The following LCA5 variants were observed in gnomAD, a reference collection of about 807,000 sequenced individuals.
LCA5 encodes the protein lebercilin LCA5, also known as lebercilin.
A neutral mutation model predicts 53.0 loss-of-function variants in LCA5; 37 were observed. The observed-to-expected ratio is 0.70, with a 90% CI of 0.54 to 0.92. LCA5 has a LOEUF of 0.92. Among genes scored for constraint, LCA5 ranks in the 40% least tolerant of loss-of-function variants. The pLI, the probability that LCA5 is intolerant of heterozygous loss-of-function variation, is 0.00. For missense variants in LCA5, 806 were observed against 790.5 expected (o/e 1.02, Z -0.23); for synonymous variants, 303 against 282.9 (o/e 1.07, Z -0.71).
intron 3 of LCA5, among the ~76,000 whole-genome samples, chr6:79,495,540 A>G (rs1445941217): frequency 2.0e-5 from 3 of 152,040 alleles, no homozygotes; most frequent in African/African-American, 7.2e-5. Context: ...TCACAAGGCC[A>G]GGAGATTAAG....
At chr6:79,512,031 A>G (rs1770421089) in intron 3 of LCA5, among the ~76,000 whole-genome samples, 1 of 152,110 alleles carries the variant, frequency 6.6e-6, no homozygotes, top group Non-Finnish European at 1.5e-5. Context: ...GTAGTTTTAT[A>G]TACACACTCA....
At chr6:79,525,686 A>G (rs889045904) in intron 1 of LCA5, among the ~76,000 whole-genome samples, 4 of 152,254 alleles carry the variant, frequency 2.6e-5, no homozygotes, top group Non-Finnish European at 5.9e-5. Context: ...ATTCCTGCAA[A>G]GGCTCAGAGA....
At chr6:79,501,822 C>G (rs1203576305) in intron 3 of LCA5, among the ~76,000 whole-genome samples, 1 of 150,682 alleles carries the variant, frequency 6.6e-6, no homozygotes, top group East Asian at 1.9e-4. Context: ...CTATAGTTCT[C>G]TATGTATAAT....
chr6:79,522,603 A>C (rs1466851486), intron 1 of LCA5, among the ~76,000 whole-genome samples: 2 of 152,208 alleles, frequency 1.3e-5, no homozygotes, highest in Admixed American at 1.3e-4. Flanking sequence ...CTCAAGAAAC[A>C]ACCACCAAGT....
chr6:79,502,332 C>T (rs1020305744), intron 3 of LCA5, among the ~76,000 whole-genome samples: 3 of 152,204 alleles, frequency 2.0e-5, no homozygotes, highest in African/African-American at 7.2e-5. Context: ...CAGAGGCAAA[C>T]TCATAATCCA....
intron 3 of LCA5, among the ~76,000 whole-genome samples, chr6:79,494,531 T>C (rs1344404669): frequency 6.6e-6 from 1 of 151,996 alleles, no homozygotes; most frequent in Non-Finnish European, 1.5e-5. Flanking sequence ...TAATAAATGT[T>C]TATTATAAGT....
intron 1 of LCA5, among the ~76,000 whole-genome samples, chr6:79,532,645 T>G (rs1766990395): frequency 1.3e-5 from 2 of 152,194 alleles, no homozygotes; most frequent in Admixed American, 6.5e-5. Flanking sequence ...CTCTTCTTCC[T>G]GTTCTCAGCA....
intron 3 of LCA5, among the ~76,000 whole-genome samples, chr6:79,498,682 TA>T (rs1368263436): frequency 1.3e-5 from 2 of 151,878 alleles, no homozygotes; most frequent in Non-Finnish European, 2.9e-5. Context: ...AATGGTAAAC[TA>T]AAAAATACTA....
At chr6:79,507,973 T>G (rs1770313692) in intron 3 of LCA5, among the ~76,000 whole-genome samples, 1 of 152,286 alleles carries the variant, frequency 6.6e-6, no homozygotes, top group East Asian at 1.9e-4. Context: ...GTGCCATTCC[T>G]GTGGAAGTTA....
In LCA5 at chr6:79,492,569, G is replaced by A. The variant is rs371160059; in HGVS notation, c.937C>T (p.Leu313Phe). 2.0e-6 allele frequency: 3 copies of A among 1,535,682 alleles called. No individual in the cohort carries two copies. The highest frequency in any genetic ancestry group is 1.4e-5 in the African/African-American group (1 of 73,082). Reference sequence around the variant, plus strand: ...ACCATACCATTTTTTCTTAATGCAAGTTCTTTCTCTTTATTTGGAGAGGAC... The same window carrying A: ...ACCATACCATTTTTTCTTAATGCAAATTCTTTCTCTTTATTTGGAGAGGAC... ...PKSSPNKEKE[L>F]ALRKNAACQS... The change falls in exon 5 of 8, where the codon CTT becomes TTT. Residue 313 changes from leucine to phenylalanine, a missense_variant. Coordinates refer to ENST00000369846, the MANE Select transcript of LCA5 (RefSeq NM_001122769.3).
At chr6:79,503,624 C>T (rs866596782) in intron 3 of LCA5, among the ~76,000 whole-genome samples, 4 of 152,102 alleles carry the variant, frequency 2.6e-5, no homozygotes, top group African/African-American at 4.8e-5. Flanking sequence ...TATTAGGTGT[C>T]CAGTAAGTAC....
At position 79,518,797 on chromosome 6, in the gene LCA5, G is replaced by A. The variant is rs745815628; in HGVS notation, c.98C>T (p.Ser33Phe). 1.9e-5 allele frequency: 31 copies of A among 1,614,030 alleles called. No homozygotes were observed. The highest frequency in any genetic ancestry group is 3.3e-5 in the Admixed American group (2 of 60,000). The stretch of plus-strand genomic sequence containing the variant: ...AGAACTGACCAGCGATGATCGGCCA[G>A]AAGACTGTGGCGTTTCAAAATCAGA... ...YLSDFETPQS[S>F]GRSSLVSSSP... The change falls in exon 2 of 8, where the codon TCT becomes TTT. Residue 33 changes from serine to phenylalanine, a missense_variant. Physicochemically the swap from Ser to Phe is radical, Grantham distance 155 (BLOSUM62 -2). Coordinates refer to ENST00000369846, the MANE Select transcript of LCA5 (RefSeq NM_001122769.3).
rs199902236 is a variant in LCA5 at position 79,518,822 on chromosome 6, A to G, written c.73T>C (p.Ser25Pro). Reference sequence around the variant, plus strand: ...GAAGACTGTGGCGTTTCAAAATCAGATAAGTAAGAATAATGGTGTTTGCCT... The same window carrying G: ...GAAGACTGTGGCGTTTCAAAATCAGGTAAGTAAGAATAATGGTGTTTGCCT... ...KAGKHHYSYLSDFETPQSSGR... is the reference protein window; with the variant it reads ...KAGKHHYSYLPDFETPQSSGR... The change falls in exon 2 of 8, where the codon TCT (serine) becomes CCT (proline). Residue 25 changes from serine (S) to proline (P), a missense_variant. Coordinates refer to ENST00000369846, the MANE Select transcript of LCA5 (RefSeq NM_001122769.3). The G allele has an allele frequency of 3.1e-6, 5 of 1,614,114 alleles. No homozygotes were observed. The highest frequency in any genetic ancestry group is 2.2e-5 in the East Asian group (1 of 44,862).
chr6:79,508,001 C>T (rs769279555), intron 3 of LCA5, among the ~76,000 whole-genome samples: 8 of 152,072 alleles, frequency 5.3e-5, no homozygotes, highest in Admixed American at 1.3e-4. Context: ...TCCCATGTGA[C>T]AAAATATTAA....
chr6:79,505,752 G>A (rs944822037), intron 3 of LCA5, among the ~76,000 whole-genome samples: 1 of 152,104 alleles, frequency 6.6e-6, no homozygotes, highest in Non-Finnish European at 1.5e-5. Flanking sequence ...TCTGAAGGGT[G>A]AAAGGGCAGA....
chr6:79,504,772 T>C (rs1417272913), intron 3 of LCA5, among the ~76,000 whole-genome samples: 3 of 152,166 alleles, frequency 2.0e-5, no homozygotes, highest in Non-Finnish European at 4.4e-5. Context: ...ATACGCAGAC[T>C]TTAAAAAGCA....
At chr6:79,499,513 G>A (rs1770072403) in intron 3 of LCA5, among the ~76,000 whole-genome samples, 1 of 151,626 alleles carries the variant, frequency 6.6e-6, no homozygotes. Context: ...TATCAAGTAG[G>A]TACATGAATG....
rs552712900 is a variant in LCA5, at chr6:79,487,108, T to C, written c.1990A>G (p.Ser664Gly). The C allele has an allele frequency of 1.2e-6, 2 of 1,613,960 alleles. No homozygotes were observed. Among genetic ancestry groups the C allele is most frequent in the East Asian group, 2.2e-5 (1 of 44,872 alleles). The part of the protein sequence containing the change: ...DEGFFLSEGR[S>G]FNPNRHRLKH... ...AATCGGTGCCTATTTGGATTAAAAC[T>C]TCTTCCTTCACTGAGGAAAAAGCCT... Residue 664 changes from serine to glycine, a missense_variant, in exon 8 of 8, where the codon AGT (serine) becomes GGT (glycine). Physicochemically the swap from Ser to Gly is moderately conservative, Grantham distance 56. Transcript: ENST00000369846.
chr6:79,513,741 G>T lies in LCA5; in HGVS notation c.191C>A (p.Ala64Asp). The change falls in exon 3 of 8, where the codon GCC becomes GAC. Residue 64 changes from alanine to aspartate, a missense_variant and splice_region_variant. Coordinates refer to ENST00000369846, the MANE Select transcript of LCA5 (RefSeq NM_001122769.3). ...QTSDGQVHHQ[A>D]PRKPSPKGLP... ...ACCCTTAGGGCTTGGTTTCCGAGGG[G>T]CTAAAAAAGAAACAGGAATAATGTA... 1 of 1,613,144 alleles carries T rather than the reference G, an allele frequency of 6.2e-7. No individual in the cohort carries two copies. The highest frequency in any genetic ancestry group is 8.5e-7 in the Non-Finnish European group (1 of 1,179,456).
Sources: allele counts gnomAD v4.1 joint callset (sites outside exome capture counted in the v4.1 genomes callset), GRCh38; gene constraint gnomAD v4.1.1; transcripts MANE v1.5; gene names NCBI Gene and HGNC (gene_info 2026-07-23, HGNC 2026-07-21).